MACROD2: variants seen among roughly 807,000 people sequenced by gnomAD.
MACROD2 encodes ADP-ribose glycohydrolase MACROD2.
MACROD2 carries 36 observed loss-of-function variants against 70.4 expected under a neutral mutation model. The ratio of observed to expected loss-of-function variants is 0.51; its 90% CI spans 0.39 to 0.68. MACROD2 has a LOEUF of 0.68. Ranked by LOEUF, MACROD2 falls within the 30% of genes least tolerant of loss-of-function variation. The pLI, the probability that MACROD2 is intolerant of heterozygous loss-of-function variation, is 0.00. For missense variants in MACROD2, 496 were observed against 538.4 expected (o/e 0.92, Z 0.78); for synonymous variants, 172 against 178.8 (o/e 0.96, Z 0.30).
rs544515202 is a variant in MACROD2, at chr20:14,327,522, G to T, written c.272-165957G>T. 1.4e-5 allele frequency: 22 copies of T among 1,597,160 alleles called. No homozygotes were observed. In the South Asian group the frequency reaches 1.9e-4, roughly 14 times the overall value. Reference sequence around the variant, plus strand: ...CGCTGATCATGGTCAGCAGTGTTGAGGTCTTTATACAAGGTAGCTTCCGTT... The same window carrying T: ...CGCTGATCATGGTCAGCAGTGTTGATGTCTTTATACAAGGTAGCTTCCGTT... On this transcript the variant is annotated intron_variant, in intron 3 of 17. Transcript: ENST00000684519.
intron 4 of MACROD2, among the ~76,000 whole-genome samples, chr20:14,634,611 G>A (rs1479876466): frequency 1.4e-5 from 2 of 140,456 alleles, no homozygotes; most frequent in Non-Finnish European, 3.0e-5. Context: ...CAGAGAATTT[G>A]GGCAAATCAG....
intron 13 of MACROD2, among the ~76,000 whole-genome samples, chr20:15,980,669 T>C (rs960003146): frequency 6.6e-6 from 1 of 152,182 alleles, no homozygotes; most frequent in African/African-American, 2.4e-5. Context: ...CATGTGTCAG[T>C]TTTGTCATAT....
intron 10 of MACROD2, among the ~76,000 whole-genome samples, chr20:15,890,514 A>C (rs903828284): frequency 2.6e-5 from 4 of 152,080 alleles, no homozygotes; most frequent in African/African-American, 9.7e-5. Context: ...CAAGCATCTC[A>C]TTTCTGTTTT....
At chr20:15,065,427 G>A (rs941026828) in intron 5 of MACROD2, among the ~76,000 whole-genome samples, 7 of 152,138 alleles carry the variant, frequency 4.6e-5, no homozygotes, top group African/African-American at 7.2e-5. Flanking sequence ...AGGCCGAGGC[G>A]GGCGGATCAC....
At chr20:15,516,690 C>T (rs1322229924) in intron 8 of MACROD2, among the ~76,000 whole-genome samples, 2 of 152,104 alleles carry the variant, frequency 1.3e-5, no homozygotes, top group Non-Finnish European at 2.9e-5. Flanking sequence ...ACCACAAGAC[C>T]AAGAACACCT....
intron 5 of MACROD2, among the ~76,000 whole-genome samples, chr20:14,820,865 T>G (rs767359537): frequency 4.6e-5 from 7 of 152,098 alleles, no homozygotes; most frequent in Non-Finnish European, 8.8e-5. Context: ...ATTTGCACAG[T>G]GTTCACATGA....
chr20:15,815,412 T>TC (rs1021795079), intron 8 of MACROD2, among the ~76,000 whole-genome samples: 1 of 140,064 alleles, frequency 7.1e-6, no homozygotes, highest in Non-Finnish European at 1.6e-5. Context: ...AAACAATAGT[T>TC]CTTTTTTTTT....
At chr20:14,228,949 G>A (rs2081772540) in intron 3 of MACROD2, among the ~76,000 whole-genome samples, 1 of 148,082 alleles carries the variant, frequency 6.8e-6, no homozygotes, top group African/African-American at 2.5e-5. Context: ...AGCAGAGGTT[G>A]CAGTGAGCCA....
At chr20:15,223,427 C>A (rs892202092) in intron 5 of MACROD2, among the ~76,000 whole-genome samples, 4 of 152,200 alleles carry the variant, frequency 2.6e-5, no homozygotes, top group Non-Finnish European at 5.9e-5. Flanking sequence ...CTGCCCTTTC[C>A]TCTGTCCACA....
intron 10 of MACROD2, among the ~76,000 whole-genome samples, chr20:15,923,174 C>T (rs898182625): frequency 4.6e-5 from 7 of 152,078 alleles, no homozygotes; most frequent in African/African-American, 9.7e-5. Flanking sequence ...TCTGTTTTCA[C>T]GCTGCTGATA....
At chr20:14,989,108 T>G (rs1423723793) in intron 5 of MACROD2, among the ~76,000 whole-genome samples, 2 of 152,196 alleles carry the variant, frequency 1.3e-5, no homozygotes, top group Non-Finnish European at 2.9e-5. Flanking sequence ...TTAAAAAGTA[T>G]GTTACCATAT....
chr20:14,809,635 A>G (rs559024405), intron 5 of MACROD2, among the ~76,000 whole-genome samples: 14 of 152,184 alleles, frequency 9.2e-5, no homozygotes, highest in African/African-American at 3.4e-4. Flanking sequence ...CAAAAAAATC[A>G]ATGAATCCAG....
chr20:14,878,244 A>C (rs1354672637), intron 5 of MACROD2, among the ~76,000 whole-genome samples: 1 of 152,174 alleles, frequency 6.6e-6, no homozygotes, highest in Non-Finnish European at 1.5e-5. Flanking sequence ...AAGGGAAGAA[A>C]GAGAACATCC....
intron 3 of MACROD2, among the ~76,000 whole-genome samples, chr20:14,471,079 T>C (rs1347328322): frequency 6.6e-6 from 1 of 152,192 alleles, no homozygotes; most frequent in Non-Finnish European, 1.5e-5. Context: ...TCTCCTGGTC[T>C]GTGGGTTTCT....
chr20:15,573,664 C>T (rs556036142), intron 8 of MACROD2, among the ~76,000 whole-genome samples: 14 of 152,254 alleles, frequency 9.2e-5, no homozygotes, highest in African/African-American at 3.1e-4. Context: ...CTAAGCCATA[C>T]TCCTACCCTT....
Position 15,566,768 on chromosome 20 carries a change from T to A in MACROD2, c.645+66921T>A, listed in dbSNP as rs963734227. On this transcript the variant is annotated intron_variant, in intron 8 of 17. Transcript: ENST00000684519. ...TGAATAAGCATCACTCTGAAACTTATCTCAAAAGCCTCCCCTGTTTATCTG... is the reference window on the plus strand; with the variant it reads ...TGAATAAGCATCACTCTGAAACTTAACTCAAAAGCCTCCCCTGTTTATCTG... Among the ~76,000 whole-genome samples, 5 of 152,336 alleles carry A rather than the reference T, an allele frequency of 3.3e-5. No homozygotes were observed. In the East Asian group the frequency reaches 7.7e-4, roughly 23 times the overall value.
At chr20:14,690,085 AAAAAT>A (rs2071045791) in intron 5 of MACROD2, among the ~76,000 whole-genome samples, 1 of 151,140 alleles carries the variant, frequency 6.6e-6, no homozygotes, top group Admixed American at 6.6e-5. Flanking sequence ...AAGGAGAAAA[AAAAAT>A]AAAAATAAAG....
At chr20:15,786,260 C>G (rs2051925545) in intron 8 of MACROD2, among the ~76,000 whole-genome samples, 2 of 149,428 alleles carry the variant, frequency 1.3e-5, no homozygotes. Flanking sequence ...TTATGTTGCT[C>G]AGAACAAGTG....
intron 5 of MACROD2, among the ~76,000 whole-genome samples, chr20:15,088,625 T>G (rs1038173023): frequency 4.0e-5 from 6 of 151,622 alleles, no homozygotes; most frequent in African/African-American, 1.5e-4. Context: ...TGAACATCAC[T>G]TATACATTTA....
Sources: gnomAD v4.1 joint callset for allele counts (sites outside exome capture counted in the v4.1 genomes callset) on GRCh38, gnomAD v4.1.1 for gene constraint, MANE v1.5 for transcripts, NCBI Gene and HGNC (gene_info 2026-07-23, HGNC 2026-07-21) for gene names.